Variants in NIPAL2 observed in about 807,000 individuals in gnomAD.
The protein encoded by NIPAL2 is NIPA-like protein 2.
Under a neutral mutation model 48.9 loss-of-function variants are expected in NIPAL2, and 43 were observed. The ratio of observed to expected loss-of-function variants is 0.88; its 90% CI spans 0.69 to 1.13. The LOEUF is 1.13. NIPAL2 is among the 50% of genes most tolerant of loss of function. The pLI is 0.00. For synonymous variants in NIPAL2, 167 were observed against 174.6 expected (o/e 0.96, Z 0.34); for missense variants, 446 against 461.4 (o/e 0.97, Z 0.31).
chr8:98,289,637 T>C (rs906785429), intron 1 of NIPAL2, among the ~76,000 whole-genome samples: 3 of 152,016 alleles, frequency 2.0e-5, no homozygotes, highest in African/African-American at 7.2e-5. Flanking sequence ...AGGCACGAGC[T>C]ACCATGCTTG....
At chr8:98,258,939 G>T (rs1055866046) in intron 1 of NIPAL2, among the ~76,000 whole-genome samples, 2 of 151,032 alleles carry the variant, frequency 1.3e-5, no homozygotes, top group African/African-American at 4.9e-5. Context: ...AACAGTCTGC[G>T]TATTAAAAAA....
chr8:98,193,198 T>C, intron 10 of NIPAL2, 108 bp from the exon 11 acceptor site: 1 of 1,059,078 alleles, frequency 9.4e-7, no homozygotes, highest in Non-Finnish European at 1.5e-6. Context: ...TTTTATACTA[T>C]GTGGGCACTC....
In NIPAL2 at chr8:98,193,063, GGTT is replaced by G; in HGVS notation, c.1064_1066del (p.Gln355del). On this transcript the variant is annotated inframe_deletion, in exon 11 of 11. Transcript: ENST00000430223. ...TCCATAGGATAAGCTATGTGAATCT[GGTT>G]GTATTTTGTCCAACATTTGTTTCCC... is the stretch of plus-strand genomic sequence containing the variant. 3 of 1,613,806 alleles carry G rather than the reference GGTT, an allele frequency of 1.9e-6. No individual in the cohort carries two copies. Among genetic ancestry groups the G allele is most frequent in the Non-Finnish European group, 2.5e-6 (3 of 1,179,774 alleles).
At chr8:98,277,504 T>A (rs1815541440) in intron 1 of NIPAL2, among the ~76,000 whole-genome samples, 1 of 151,872 alleles carries the variant, frequency 6.6e-6, no homozygotes, top group Non-Finnish European at 1.5e-5. Context: ...ACCATTGCAC[T>A]CCAGCCTGGG....
intron 1 of NIPAL2, among the ~76,000 whole-genome samples, chr8:98,267,706 C>T (rs901717558): frequency 2.0e-5 from 3 of 152,138 alleles, no homozygotes; most frequent in African/African-American, 7.2e-5. Flanking sequence ...GTTAAAAGAG[C>T]TCACCTTATA....
rs184991865 is a variant in NIPAL2 at position 98,233,805 on chromosome 8, G to C, written c.436+2350C>G. Among the ~76,000 whole-genome samples the C allele has an allele frequency of 8.3e-4, 126 of 152,302 alleles. 1 individual carries two copies. Among genetic ancestry groups the C allele is most frequent in the Non-Finnish European group, 1.5e-3 (101 of 68,024 alleles). On this transcript the variant is annotated intron_variant, in intron 4 of 10. Transcript: ENST00000430223. ...CCTAAGCCTTACAGGCAGGAGTTAAGGTGCAGTATGAAATAGAAACTTACT... is the reference window on the plus strand; with the variant it reads ...CCTAAGCCTTACAGGCAGGAGTTAACGTGCAGTATGAAATAGAAACTTACT...
At chr8:98,262,699 G>A (rs1176123216) in intron 1 of NIPAL2, among the ~76,000 whole-genome samples, 1 of 151,428 alleles carries the variant, frequency 6.6e-6, no homozygotes, top group African/African-American at 2.4e-5. Context: ...AACACCCACT[G>A]TCAACATTAG....
At chr8:98,252,772 T>C (rs2130830193) in intron 2 of NIPAL2, 138 bp from the exon 3 acceptor site, 1 of 745,910 alleles carries the variant, frequency 1.3e-6, no homozygotes, top group Non-Finnish European at 2.0e-6. Flanking sequence ...AACGAATACA[T>C]TTTTGGGGAA....
chr8:98,288,941 G>C (rs1178987312), intron 1 of NIPAL2, among the ~76,000 whole-genome samples: 1 of 152,114 alleles, frequency 6.6e-6, no homozygotes, highest in Admixed American at 6.6e-5. Flanking sequence ...TGACTTTGTG[G>C]CAATCACTTT....
intron 6 of NIPAL2, among the ~76,000 whole-genome samples, chr8:98,206,288 A>G (rs1469175336): frequency 6.6e-6 from 1 of 151,850 alleles, no homozygotes; most frequent in Non-Finnish European, 1.5e-5. Flanking sequence ...ATTTTATTTG[A>G]AAAGGTATTT....
chr8:98,268,362 T>A (rs562850634), intron 1 of NIPAL2, among the ~76,000 whole-genome samples: 2 of 152,280 alleles, frequency 1.3e-5, no homozygotes, highest in South Asian at 4.1e-4. Flanking sequence ...GGCTCATGCC[T>A]GTCATCCCGG....
chr8:98,274,354 A>C (rs1263167321), intron 1 of NIPAL2, among the ~76,000 whole-genome samples: 1 of 151,910 alleles, frequency 6.6e-6, no homozygotes, highest in Non-Finnish European at 1.5e-5. Flanking sequence ...AATCTTACTA[A>C]ATTTTGGACT....
intron 1 of NIPAL2, among the ~76,000 whole-genome samples, chr8:98,277,738 A>G (rs545758292): frequency 4.6e-5 from 7 of 152,142 alleles, no homozygotes; most frequent in Non-Finnish European, 8.8e-5. Context: ...TCTTTTACTT[A>G]GCATAATGTT....
chr8:98,194,650 C>T, intron 10 of NIPAL2, 78 bp downstream of exon 10: 1 of 723,242 alleles, frequency 1.4e-6, no homozygotes, highest in Non-Finnish European at 2.2e-6. Context: ...TTTATATTAA[C>T]TTACCACCCA....
chr8:98,250,368 TAG>T (rs1282812086), intron 3 of NIPAL2, among the ~76,000 whole-genome samples: 1 of 152,184 alleles, frequency 6.6e-6, no homozygotes, highest in East Asian at 1.9e-4. Flanking sequence ...TCAAATTCTC[TAG>T]AGTTTCTAGA....
At chr8:98,212,158 G>A (rs1039800103) in intron 6 of NIPAL2, among the ~76,000 whole-genome samples, 2 of 152,028 alleles carry the variant, frequency 1.3e-5, no homozygotes, top group African/African-American at 4.8e-5. Context: ...TTATCAGGGA[G>A]CAAATAAAGT....
chr8:98,277,839 C>A (rs1815565374), intron 1 of NIPAL2, among the ~76,000 whole-genome samples: 1 of 152,148 alleles, frequency 6.6e-6, no homozygotes, highest in Admixed American at 6.5e-5. Context: ...TATTCCATTG[C>A]AAGAACATAC....
chr8:98,222,479 C>T lies in NIPAL2; in HGVS notation c.558G>A (p.Val186=), dbSNP rs560888188. The T allele has an allele frequency of 9.4e-5, 151 of 1,612,292 alleles. 3 individuals carry two copies. The South Asian group carries it at 1.5e-3, about 17-fold the overall frequency. ...YLVGWQFLIY[V]ILEILIFCIL... ...ATAGTAAAATATTTAGAATTCTTAC[C>T]ACATAGATCAGGAACTGCCATCCGA... The change falls in exon 5 of 11, where the codon GTG becomes GTA. Residue 186 remains valine, a splice_region_variant and synonymous_variant. Transcript: ENST00000430223.
chr8:98,287,423 C>T (rs1316945262), intron 1 of NIPAL2, among the ~76,000 whole-genome samples: 3 of 152,142 alleles, frequency 2.0e-5, no homozygotes, highest in Non-Finnish European at 4.4e-5. Context: ...GGGAGGCAAA[C>T]ATCAAAGAGC....
Sources: allele counts gnomAD v4.1 joint callset (sites outside exome capture counted in the v4.1 genomes callset), GRCh38; gene constraint gnomAD v4.1.1; transcripts MANE v1.5; gene names NCBI Gene and HGNC (gene_info 2026-07-23, HGNC 2026-07-21).